The following EYS variants were observed in gnomAD, a reference collection of about 807,000 sequenced individuals.
EYS encodes EGF-like photoreceptor maintenance factor.
In EYS, 250 loss-of-function variants were observed where a neutral mutation model predicts 282.1. That is an observed-to-expected ratio of 0.89 (90% CI 0.80 to 0.98). The LOEUF is 0.98. Ranked by LOEUF, EYS falls within the 50% of genes least tolerant of loss-of-function variation. The pLI, the probability that EYS is intolerant of heterozygous loss-of-function variation, is 0.00. For synonymous variants in EYS, 1,355 were observed against 1,282.9 expected, an observed-to-expected ratio of 1.06 and a Z score of -1.20; for missense variants, 4,016 against 3,709.0, an observed-to-expected ratio of 1.08 and a Z score of -2.15.
intron 41 of EYS, among the ~76,000 whole-genome samples, chr6:63,727,753 T>TATATATATATATATATATATATA (rs1554164611): frequency 9.6e-6 from 1 of 104,560 alleles, no homozygotes; most frequent in Non-Finnish European, 1.8e-5. Flanking sequence ...TATATATATG[T>TATATATATATATATATATATATA]TAGCTGGGCA....
rs1439295401 is a variant in EYS at position 64,912,523 on chromosome 6, C to A, written c.2602G>T (p.Ala868Ser). The A allele has an allele frequency of 3.9e-6, 6 of 1,551,250 alleles. No individual in the cohort carries two copies. Among genetic ancestry groups the A allele is most frequent in the Non-Finnish European group, 5.2e-6 (6 of 1,146,672 alleles). ...NPCRNNSTCL[A>S]LVDANQHCIC... Reference sequence around the variant, plus strand: ...CAATGCTGATTTGCGTCTACCAAAGCTAAGCATGTTGAGTTGTTTCTGCAA... The same window carrying A: ...CAATGCTGATTTGCGTCTACCAAAGATAAGCATGTTGAGTTGTTTCTGCAA... The change falls in exon 16 of 43, where the codon GCT (alanine) becomes TCT (serine). Residue 868 changes from alanine (A) to serine (S), a missense_variant. Ala to Ser is a moderately conservative substitution (Grantham distance 99). Coordinates refer to ENST00000503581, the MANE Select transcript of EYS (RefSeq NM_001142800.2).
intron 22 of EYS, among the ~76,000 whole-genome samples, chr6:64,634,110 A>G (rs769616476): frequency 3.9e-4 from 60 of 152,232 alleles, no homozygotes; most frequent in Middle Eastern, 3.4e-3. Context: ...CAGCCTCCCA[A>G]GTAGCTGGGA....
At chr6:64,694,717 G>T (rs531765456) in intron 22 of EYS, among the ~76,000 whole-genome samples, 2 of 152,178 alleles carry the variant, frequency 1.3e-5, no homozygotes, top group Non-Finnish European at 2.9e-5. Flanking sequence ...AGAGGTAAAC[G>T]TAGCATAAGC....
intron 28 of EYS, among the ~76,000 whole-genome samples, chr6:64,395,803 A>C (rs879559241): frequency 7.9e-5 from 12 of 151,970 alleles, no homozygotes; most frequent in East Asian, 3.9e-4. Flanking sequence ...AGAAAAAAAA[A>C]CAAAAAAACA....
chr6:64,838,802 C>T (rs1310422166), intron 19 of EYS, among the ~76,000 whole-genome samples: 1 of 151,828 alleles, frequency 6.6e-6, no homozygotes, highest in Admixed American at 6.6e-5. Flanking sequence ...ACTTTGTTTC[C>T]TTATGCTCCA....
chr6:64,630,318 C>T (rs765189880), intron 22 of EYS, among the ~76,000 whole-genome samples: 4 of 152,160 alleles, frequency 2.6e-5, no homozygotes, highest in South Asian at 2.1e-4. Flanking sequence ...AGGATGGTCT[C>T]GATCTCCTGA....
intron 31 of EYS, among the ~76,000 whole-genome samples, chr6:64,087,964 T>C (rs892269943): frequency 6.6e-6 from 1 of 152,092 alleles, no homozygotes. Context: ...ATCTATTATA[T>C]AATTCAGGTG....
intron 7 of EYS, among the ~76,000 whole-genome samples, chr6:65,389,223 G>A (rs1372453599): frequency 6.6e-6 from 1 of 152,098 alleles, no homozygotes; most frequent in East Asian, 1.9e-4. Context: ...GAGTGAAAAT[G>A]AAGGACTTTA....
intron 35 of EYS, among the ~76,000 whole-genome samples, chr6:63,889,588 A>C (rs941651559): frequency 3.9e-5 from 6 of 152,234 alleles, no homozygotes; most frequent in Non-Finnish European, 8.8e-5. Context: ...TTTTGTCACC[A>C]CTAGGCCTGC....
chr6:64,939,459 G>T (rs2150091940), intron 15 of EYS, among the ~76,000 whole-genome samples: 1 of 151,912 alleles, frequency 6.6e-6, no homozygotes, highest in African/African-American at 2.4e-5. Context: ...TATGTATCAT[G>T]AATATTAAAG....
intron 30 of EYS, among the ~76,000 whole-genome samples, chr6:64,283,732 T>C (rs1768394049): frequency 6.6e-6 from 1 of 152,112 alleles, no homozygotes; most frequent in Admixed American, 6.6e-5. Context: ...TTTATTGGAT[T>C]TACAGTTCCA....
intron 5 of EYS, among the ~76,000 whole-genome samples, chr6:65,487,211 T>C (rs113548385): frequency 0.014 from 2,079 of 152,288 alleles, 61 homozygotes; most frequent in African/African-American, 0.047. Flanking sequence ...CAACACTATG[T>C]TGAATACGAG....
intron 12 of EYS, among the ~76,000 whole-genome samples, chr6:65,233,489 T>C (rs1766843198): frequency 6.6e-6 from 1 of 152,188 alleles, no homozygotes; most frequent in Admixed American, 6.6e-5. Context: ...AGGAAGAATA[T>C]AGCTATTTAT....
intron 1 of EYS, among the ~76,000 whole-genome samples, chr6:65,657,691 CAG>C (rs1029728766): frequency 2.6e-5 from 4 of 151,774 alleles, no homozygotes; most frequent in African/African-American, 9.7e-5. Context: ...GTTGAAATAA[CAG>C]GGATTTAGCA....
At chr6:64,093,400 T>C (rs546899947) in intron 31 of EYS, among the ~76,000 whole-genome samples, 1 of 152,170 alleles carries the variant, frequency 6.6e-6, no homozygotes, top group Non-Finnish European at 1.5e-5. Context: ...GGAATGTTCT[T>C]CTATGTGTTT....
chr6:63,767,013 C>T (rs529703482), intron 40 of EYS, among the ~76,000 whole-genome samples: 26 of 152,182 alleles, frequency 1.7e-4, no homozygotes, highest in African/African-American at 6.3e-4. Flanking sequence ...GCAGAAAAGA[C>T]TTTGATAAAA....
At chr6:64,965,621 A>G (rs1427435189) in intron 14 of EYS, among the ~76,000 whole-genome samples, 1 of 152,060 alleles carries the variant, frequency 6.6e-6, no homozygotes, top group Non-Finnish European at 1.5e-5. Flanking sequence ...CATGAGTTTT[A>G]TACTTTTTAT....
intron 33 of EYS, among the ~76,000 whole-genome samples, chr6:64,053,101 A>G (rs1305725267): frequency 4.6e-5 from 7 of 152,124 alleles, no homozygotes; most frequent in Admixed American, 4.6e-4. Flanking sequence ...ATTTTGTGGG[A>G]TAAGTAAAAA....
chr6:63,842,885 T>G (rs186430758), intron 36 of EYS, among the ~76,000 whole-genome samples: 1 of 152,304 alleles, frequency 6.6e-6, no homozygotes, highest in African/African-American at 2.4e-5. Flanking sequence ...ATTGCTTGTT[T>G]GTGTTAGGTT....
Sources: gnomAD v4.1 joint callset for allele counts (sites outside exome capture counted in the v4.1 genomes callset) on GRCh38, gnomAD v4.1.1 for gene constraint, MANE v1.5 for transcripts, NCBI Gene and HGNC (gene_info 2026-07-23, HGNC 2026-07-21) for gene names.